Variants in WNK1 observed in about 807,000 individuals in gnomAD.
WNK1 encodes WNK lysine deficient protein kinase 1, also known as serine/threonine-protein kinase WNK1.
A neutral mutation model predicts 222.8 loss-of-function variants in WNK1; 38 were observed. The observed-to-expected ratio is 0.17, with a 90% confidence interval of 0.13 to 0.22. WNK1 has a LOEUF of 0.22. Among genes scored for constraint, WNK1 ranks in the 10% least tolerant of loss-of-function variants. The pLI, the probability that WNK1 is intolerant of heterozygous loss-of-function variation, is 1.00. For synonymous variants in WNK1, 1,090 were observed against 1,092.9 expected (o/e 1.00, Z 0.05); for missense variants, 2,348 against 2,918.4 (o/e 0.80, Z 4.50).
rs1002244239 is a variant in WNK1, at chr12:885,121, G to C, written c.4317G>C (p.Glu1439Asp). The C allele has an allele frequency of 6.2e-7, 1 of 1,614,164 alleles. No homozygotes were observed. Reference protein sequence around the residue: ...PSLQVPTSTSEIVVSSTALYP... With the variant: ...PSLQVPTSTSDIVVSSTALYP... ...TTCAAGTCCCCACATCCACATCTGA[G>C]ATCGTTGTTTCTAGTACAGCACTGT... is the stretch of plus-strand genomic sequence containing the variant. The change falls in exon 19 of 28, where the codon GAG (glutamate) becomes GAC (aspartate). Residue 1439 changes from glutamate to aspartate, a missense_variant. Physicochemically the swap from Glu to Asp is conservative, Grantham distance 45. This residue lies in a region of WNK1 where 1,144 missense variants were observed against 1,273.6 expected (regional missense o/e 0.90). Transcript: ENST00000315939.
intron 4 of WNK1, among the ~76,000 whole-genome samples, chr12:830,980 A>T (rs141387945): frequency 1.3e-5 from 2 of 152,272 alleles, no homozygotes; most frequent in African/African-American, 4.8e-5. Context: ...CATGCATGTC[A>T]GAGATTTATT....
In WNK1 at chr12:908,501, T is replaced by C. The variant is rs769053772; in HGVS notation, c.6858T>C (p.Ser2286=). Reference sequence around the variant, plus strand: ...GCCCTGGAATGGCAAGGAAGTTCTCTGCACCTGGGCAACTGTGCATCTCCA... The same window carrying C: ...GCCCTGGAATGGCAAGGAAGTTCTCCGCACCTGGGCAACTGTGCATCTCCA... ...YEGPGMARKF[S]APGQLCISMT... The change falls in exon 28 of 28, where the codon TCT becomes TCC. Residue 2286 remains serine (S), a synonymous_variant. Coordinates refer to ENST00000315939, the MANE Select transcript of WNK1 (RefSeq NM_018979.4). 1.2e-6 allele frequency: 2 copies of C among 1,614,230 alleles called. No homozygotes were observed. The highest frequency in any genetic ancestry group is 1.1e-5 in the South Asian group (1 of 91,090).
chr12:825,156 T>C (rs951137978), intron 2 of WNK1, among the ~76,000 whole-genome samples: 7 of 152,218 alleles, frequency 4.6e-5, no homozygotes, highest in African/African-American at 1.4e-4. Flanking sequence ...ATTTCCATCA[T>C]ATCGGAAAAT....
intron 2 of WNK1, among the ~76,000 whole-genome samples, chr12:814,467 A>G (rs1267463592): frequency 1.3e-5 from 2 of 152,194 alleles, no homozygotes; most frequent in Non-Finnish European, 1.5e-5. Context: ...CAACTTTTAT[A>G]TCAGATGCAG....
chr12:783,013 C>G (rs1943884827), intron 1 of WNK1, among the ~76,000 whole-genome samples: 5 of 151,846 alleles, frequency 3.3e-5, no homozygotes, highest in Admixed American at 3.3e-4. Flanking sequence ...AAGCGATCCT[C>G]CAGCCTTAGC....
chr12:869,286 G>A, intron 8 of WNK1: 1 of 795,208 alleles, frequency 1.3e-6, no homozygotes, highest in Non-Finnish European at 2.1e-6. Context: ...AACAAAATGT[G>A]AGAGAAGCTA....
chr12:768,424 C>T (rs1942047161), intron 1 of WNK1, among the ~76,000 whole-genome samples: 2 of 152,292 alleles, frequency 1.3e-5, no homozygotes, highest in Non-Finnish European at 2.9e-5. Flanking sequence ...GCGTGAGCTA[C>T]CATGCCCGGC....
intron 2 of WNK1, among the ~76,000 whole-genome samples, chr12:818,607 A>G (rs1947578520): frequency 6.6e-6 from 1 of 152,202 alleles, no homozygotes; most frequent in African/African-American, 2.4e-5. Context: ...CACAAACTCT[A>G]TGCCCGTGGA....
In WNK1 at chr12:911,147, G is replaced by T. The variant is rs1343111396; in HGVS notation, c.*2355G>T. The T allele has an allele frequency of 1.0e-5, 4 of 396,380 alleles. No homozygotes were observed. Among genetic ancestry groups the T allele is most frequent in the Non-Finnish European group, 1.8e-5 (4 of 225,434 alleles). 24.6% of individuals were successfully genotyped at this position (396,380 alleles called of 1,614,324 possible). A position where few individuals can be genotyped will look rare whatever the true frequency, so the allele number is the denominator to read the frequency against. On this transcript the variant is annotated 3_prime_UTR_variant, in exon 28 of 28. Transcript: ENST00000315939. ...TGTGTATGAAATAACAAGCCTAGAGGAATGAACTAGTGCTACTGAACTGTT... is the reference window on the plus strand; with the variant it reads ...TGTGTATGAAATAACAAGCCTAGAGTAATGAACTAGTGCTACTGAACTGTT...
At chr12:897,287 T>G (rs929542344) in intron 24 of WNK1, among the ~76,000 whole-genome samples, 192 bp from the exon 25 acceptor site, 3 of 152,124 alleles carry the variant, frequency 2.0e-5, no homozygotes, top group Admixed American at 2.0e-4. Context: ...TAGGAGCTTG[T>G]TGGAACATGG....
At chr12:768,824 T>A (rs532766886) in intron 1 of WNK1, among the ~76,000 whole-genome samples, 2 of 152,294 alleles carry the variant, frequency 1.3e-5, no homozygotes, top group South Asian at 4.1e-4. Context: ...TTTTGTTTTT[T>A]TTTTGAGACG....
Position 885,014 on chromosome 12 carries a change from T to C in WNK1, c.4210T>C (p.Ser1404Pro), listed in dbSNP as rs776636603. The C allele has an allele frequency of 6.2e-7, 1 of 1,614,204 alleles. No homozygotes were observed. Among genetic ancestry groups the C allele is most frequent in the South Asian group, 1.1e-5 (1 of 91,088 alleles). ...TSGGLPIPPVSESPVLSSVVS... is the reference protein window; with the variant it reads ...TSGGLPIPPVPESPVLSSVVS... Reference sequence around the variant, plus strand: ...AGGTGGTCTCCCCATACCACCTGTGTCTGAATCACCAGTACTTTCCAGCGT... The same window carrying C: ...AGGTGGTCTCCCCATACCACCTGTGCCTGAATCACCAGTACTTTCCAGCGT... Residue 1404 changes from serine (S) to proline (P), a missense_variant, in exon 19 of 28, where the codon TCT becomes CCT. Ser to Pro is a moderately conservative substitution (Grantham distance 74). Around this residue, in one of 13 missense-constraint regions of WNK1, gnomAD observed 1,144 missense variants for 1,273.6 expected, o/e 0.90. Coordinates refer to ENST00000315939, the MANE Select transcript of WNK1 (RefSeq NM_018979.4).
At chr12:893,562 G>A (rs962554233) in intron 22 of WNK1, among the ~76,000 whole-genome samples, 4 of 152,084 alleles carry the variant, frequency 2.6e-5, no homozygotes, top group East Asian at 3.9e-4. Flanking sequence ...AGTGGCTCAC[G>A]CCTGTAATCC....
chr12:805,714 A>G (rs952144597), intron 1 of WNK1, among the ~76,000 whole-genome samples: 1 of 152,212 alleles, frequency 6.6e-6, no homozygotes, highest in South Asian at 2.1e-4. Flanking sequence ...CAAACTACCT[A>G]TAGTCAAAAT....
In WNK1 at chr12:887,264, G is replaced by A. The variant is rs747187765; in HGVS notation, c.5324G>A (p.Ser1775Asn). Residue 1775 changes from serine to asparagine, a missense_variant, in exon 20 of 28, where the codon AGC (serine) becomes AAC (asparagine). Ser to Asn is a conservative substitution (Grantham distance 46, BLOSUM62 1). Coordinates refer to ENST00000315939, the MANE Select transcript of WNK1 (RefSeq NM_018979.4). Reference sequence around the variant, plus strand: ...GAACTTCCAGCAGGTACTCTACCCAGCGAGCAGCTGCCACCTTTTCCAGGA... The same window carrying A: ...GAACTTCCAGCAGGTACTCTACCCAACGAGCAGCTGCCACCTTTTCCAGGA... Reference protein sequence around the residue: ...GTELPAGTLPSEQLPPFPGPS... With the variant: ...GTELPAGTLPNEQLPPFPGPS... The A allele has an allele frequency of 9.3e-6, 15 of 1,614,050 alleles. No individual in the cohort carries two copies. The East Asian group carries it at 3.1e-4, about 34-fold the overall frequency.
chr12:907,024 TAA>T (rs67823034), intron 26 of WNK1, among the ~76,000 whole-genome samples: 10 of 47,420 alleles, frequency 2.1e-4, no homozygotes, highest in Admixed American at 7.2e-4. Context: ...ACCCTTCCTT[TAA>T]AAAAAAAAAA....
In WNK1 at chr12:875,540, G is replaced by A. The variant is rs572538484; in HGVS notation, c.2224-2672G>A. On this transcript the variant is annotated intron_variant, in intron 9 of 27. Coordinates refer to ENST00000315939, the MANE Select transcript of WNK1 (RefSeq NM_018979.4). ...CAGCAATATGACTTCACTATTCTGA[G>A]GACTGTATGTGATTTTAAACAACTG... Among the ~76,000 whole-genome samples, 10 of 152,182 alleles carry A rather than the reference G, an allele frequency of 6.6e-5. 1 individual carries two copies. The South Asian group carries it at 2.1e-3, about 31-fold the overall frequency.
intron 4 of WNK1, among the ~76,000 whole-genome samples, chr12:833,715 CTTA>C (rs923632158): frequency 7.9e-5 from 12 of 152,066 alleles, no homozygotes; most frequent in African/African-American, 1.7e-4. Flanking sequence ...AATGTACTTG[CTTA>C]TTATTTTTAT....
At chr12:792,992 A>G (rs868513346) in intron 1 of WNK1, among the ~76,000 whole-genome samples, 1 of 152,164 alleles carries the variant, frequency 6.6e-6, no homozygotes, top group African/African-American at 2.4e-5. Context: ...GTGTTATTAC[A>G]AGGTTTAAAT....
Sources: gnomAD v4.1 joint callset for allele counts (sites outside exome capture counted in the v4.1 genomes callset) on GRCh38, gnomAD v4.1.1 for gene constraint, gnomAD v4.1.1 regional missense constraint, MANE v1.5 for transcripts, NCBI Gene and HGNC (gene_info 2026-07-23, HGNC 2026-07-21) for gene names.